The following ITPR2 variants were observed in gnomAD, a reference collection of about 807,000 sequenced individuals.
ITPR2 encodes the protein inositol 1,4,5-trisphosphate receptor type 2.
Under a neutral mutation model 317.1 loss-of-function variants are expected in ITPR2, and 207 were observed. That is an observed-to-expected ratio of 0.65 (90% CI 0.58 to 0.73). The LOEUF (loss-of-function observed/expected upper bound fraction) is 0.73, where lower values mean the gene tolerates loss of function less well. Ranked by LOEUF, ITPR2 falls within the 30% of genes least tolerant of loss-of-function variation. ITPR2 has a pLI of 0.00. For missense variants in ITPR2, 2,613 were observed against 3,284.0 expected (o/e 0.80, Z 4.99); for synonymous variants, 1,156 against 1,149.1 (o/e 1.01, Z -0.12).
intron 37 of ITPR2, among the ~76,000 whole-genome samples, chr12:26,507,833 G>T (rs1943225127): frequency 7.0e-6 from 1 of 142,952 alleles, no homozygotes; most frequent in Non-Finnish European, 1.6e-5. Flanking sequence ...ATGAGTCAAT[G>T]AATATCTCTC....
intron 1 of ITPR2, among the ~76,000 whole-genome samples, chr12:26,826,878 C>G (rs1951016454): frequency 6.6e-6 from 1 of 152,208 alleles, no homozygotes; most frequent in Non-Finnish European, 1.5e-5. Flanking sequence ...TTCTGCTATG[C>G]TCAGTCCCTA....
chr12:26,592,736 G>A (rs2137105957), intron 32 of ITPR2, among the ~76,000 whole-genome samples: 1 of 152,200 alleles, frequency 6.6e-6, no homozygotes, highest in East Asian at 1.9e-4. Context: ...CATTTCTCAT[G>A]GATATAAATC....
intron 50 of ITPR2, among the ~76,000 whole-genome samples, chr12:26,418,461 T>C (rs1157219097): frequency 6.6e-6 from 1 of 152,168 alleles, no homozygotes; most frequent in African/African-American, 2.4e-5. Context: ...CAGAATTTTT[T>C]TAAAAAGTAA....
intron 1 of ITPR2, among the ~76,000 whole-genome samples, chr12:26,827,916 T>C (rs1233225503): frequency 6.6e-6 from 1 of 152,272 alleles, no homozygotes; most frequent in African/African-American, 2.4e-5. Flanking sequence ...CTTTAACAAT[T>C]CGTACGCCTT....
chr12:26,698,596 T>C (rs112404055), intron 9 of ITPR2, among the ~76,000 whole-genome samples: 10 of 152,066 alleles, frequency 6.6e-5, no homozygotes, highest in African/African-American at 2.2e-4. Context: ...GACCAAGAGT[T>C]TCATGACAGC....
intron 45 of ITPR2, among the ~76,000 whole-genome samples, chr12:26,467,046 T>C (rs891611038): frequency 2.6e-5 from 4 of 152,154 alleles, no homozygotes; most frequent in Admixed American, 1.3e-4. Context: ...CATATTAGCA[T>C]AAGAAAATGG....
chr12:26,575,989 A>G (rs576868059), intron 34 of ITPR2, among the ~76,000 whole-genome samples: 1 of 152,272 alleles, frequency 6.6e-6, no homozygotes, highest in South Asian at 2.1e-4. Flanking sequence ...GTAGAGGAGG[A>G]GGAACAAGAG....
chr12:26,607,990 G>C (rs561626932), intron 26 of ITPR2, among the ~76,000 whole-genome samples: 1 of 152,070 alleles, frequency 6.6e-6, no homozygotes, highest in Non-Finnish European at 1.5e-5. Flanking sequence ...GAGTGGTGGC[G>C]GGCACCTGTA....
At chr12:26,789,943 G>A (rs556775986) in intron 2 of ITPR2, among the ~76,000 whole-genome samples, 1 of 152,138 alleles carries the variant, frequency 6.6e-6, no homozygotes, top group Admixed American at 6.5e-5. Context: ...ATAGACCATT[G>A]TCTGGCAAAA....
rs192077619 is a variant in ITPR2 at position 26,832,804 on chromosome 12, A to C, written c.-23T>G. ...CATGCTGCTTCATGTTCCACAGTGG[A>C]CGTCCCTCTTCTTCCCTGCGCCCTC... On this transcript the variant is annotated 5_prime_UTR_variant, in exon 1 of 57. Transcript: ENST00000381340. 9.6e-6 allele frequency: 15 copies of C among 1,563,832 alleles called. No homozygotes were observed. In the African/African-American group the frequency reaches 1.9e-4, roughly 20 times the overall value.
At chr12:26,598,427 AG>A (rs201405018) in intron 30 of ITPR2, among the ~76,000 whole-genome samples, 2,363 of 152,276 alleles carry the variant, frequency 0.016, 25 homozygotes, top group Non-Finnish European at 0.024. Context: ...CATGGGTGGA[AG>A]CTCCCTTAAC....
At chr12:26,707,526 CTATTT>C (rs1041261217) in intron 9 of ITPR2, among the ~76,000 whole-genome samples, 1 of 152,032 alleles carries the variant, frequency 6.6e-6, no homozygotes, top group African/African-American at 2.4e-5. Flanking sequence ...AAAACCTGGG[CTATTT>C]TATTTTATTT....
rs1272586797 is a variant in ITPR2, at chr12:26,337,016, T to C, written c.*2381A>G. The C allele has an allele frequency of 1.4e-5, 2 of 147,710 alleles. No individual in the cohort carries two copies. Among genetic ancestry groups the C allele is most frequent in the African/African-American group, 4.9e-5 (2 of 40,576 alleles). 9.1% of individuals were successfully genotyped at this position (147,710 alleles called of 1,614,324 possible). On this transcript the variant is annotated 3_prime_UTR_variant, in exon 57 of 57. Transcript: ENST00000381340. ...TTTTGCTTTATAATTTCTAAGCATT[T>C]AGGCAGAAAAGAAAGAGGCATTAAA...
At chr12:26,767,678 A>G (rs1949747722) in intron 2 of ITPR2, among the ~76,000 whole-genome samples, 1 of 152,256 alleles carries the variant, frequency 6.6e-6, no homozygotes, top group African/African-American at 2.4e-5. Flanking sequence ...ACACAGTTTC[A>G]CATGAAGTCT....
chr12:26,377,372 C>T (rs1939376909), intron 55 of ITPR2, among the ~76,000 whole-genome samples: 1 of 152,188 alleles, frequency 6.6e-6, no homozygotes, highest in Non-Finnish European at 1.5e-5. Context: ...ACCTCGAACA[C>T]AATAACACTC....
intron 45 of ITPR2, among the ~76,000 whole-genome samples, chr12:26,468,586 A>T (rs1368527575): frequency 6.6e-6 from 1 of 150,574 alleles, no homozygotes; most frequent in Non-Finnish European, 1.5e-5. Context: ...AAAAAAAGAT[A>T]ATTGCATCTG....
At chr12:26,494,769 C>CATAA (rs1942894136) in intron 38 of ITPR2, among the ~76,000 whole-genome samples, 1 of 8,520 alleles carries the variant, frequency 1.2e-4, no homozygotes, top group Non-Finnish European at 5.0e-4. Flanking sequence ...GACTCTGCCT[C>CATAA]AGAAAAAAAA....
intron 13 of ITPR2, among the ~76,000 whole-genome samples, chr12:26,672,464 G>A (rs368414279): frequency 1.3e-5 from 2 of 151,742 alleles, no homozygotes; most frequent in African/African-American, 2.4e-5. Context: ...GGTACATAAC[G>A]AAATGAAGGC....
At chr12:26,597,713 G>A (rs1945883570) in intron 30 of ITPR2, among the ~76,000 whole-genome samples, 1 of 152,006 alleles carries the variant, frequency 6.6e-6, no homozygotes, top group South Asian at 2.1e-4. Flanking sequence ...AATAGGTAGG[G>A]TCTTTTAAGA....
Sources: gnomAD v4.1 joint callset for allele counts (sites outside exome capture counted in the v4.1 genomes callset) on GRCh38, gnomAD v4.1.1 for gene constraint, MANE v1.5 for transcripts, NCBI Gene and HGNC (gene_info 2026-07-23, HGNC 2026-07-21) for gene names.